CYB5B: variants seen among roughly 807,000 people sequenced by gnomAD.
The protein encoded by CYB5B is cytochrome b5 type B (outer mitochondrial membrane).
CYB5B carries 14 observed loss-of-function variants against 21.3 expected under a neutral mutation model. The ratio of observed to expected loss-of-function variants is 0.66; its 90% CI spans 0.43 to 1.03. The LOEUF (loss-of-function observed/expected upper bound fraction) is 1.03, where lower values mean the gene tolerates loss of function less well. CYB5B is among the 50% of genes least tolerant of loss of function. CYB5B has a pLI of 0.00. For missense variants in CYB5B, 166 were observed against 185.1 expected (o/e 0.90, Z 0.60); for synonymous variants, 69 against 68.4 (o/e 1.01, Z -0.04).
At position 69,460,070 on chromosome 16, in the gene CYB5B, G is replaced by A. The variant is rs569972824; in HGVS notation, c.362+949G>A. ...TCGAGACCAGCCTGGACAACATGGC[G>A]AAACCCCATCTCTGCTAAAAATACA... On this transcript the variant is annotated intron_variant, in intron 4 of 4. Coordinates refer to ENST00000307892, the MANE Select transcript of CYB5B (RefSeq NM_030579.3). Among the ~76,000 whole-genome samples the A allele has an allele frequency of 5.1e-4, 77 of 152,004 alleles. 1 individual carries two copies. The highest frequency in any genetic ancestry group is 7.5e-4 in the Non-Finnish European group (51 of 67,988).
At chr16:69,459,261 A>G in intron 4 of CYB5B, 140 bp downstream of exon 4, 1 of 1,109,178 alleles carries the variant, frequency 9.0e-7, no homozygotes, top group South Asian at 1.9e-5. Flanking sequence ...TTGCAAATTC[A>G]GTTGTTCCTT....
intron 3 of CYB5B, among the ~76,000 whole-genome samples, chr16:69,457,989 A>G (rs973813170): frequency 2.6e-5 from 4 of 152,160 alleles, no homozygotes; most frequent in Admixed American, 2.0e-4. Context: ...TACATTTTGC[A>G]AAGATGGTAT....
At chr16:69,462,159 A>G (rs920799451) in intron 4 of CYB5B, among the ~76,000 whole-genome samples, 7 of 152,250 alleles carry the variant, frequency 4.6e-5, no homozygotes, top group African/African-American at 7.2e-5. Context: ...AATAACCACT[A>G]TATGACTTTG....
chr16:69,455,712 C>T (rs906737700), intron 3 of CYB5B, among the ~76,000 whole-genome samples: 1 of 151,982 alleles, frequency 6.6e-6, no homozygotes, highest in African/African-American at 2.4e-5. Context: ...CGCGACTGGC[C>T]TTTTTGTCAT....
chr16:69,456,813 T>C (rs1434833937), intron 3 of CYB5B, among the ~76,000 whole-genome samples: 2 of 152,226 alleles, frequency 1.3e-5, no homozygotes, highest in South Asian at 2.1e-4. Flanking sequence ...AGGGAGGTTA[T>C]GTGTTAATAG....
intron 4 of CYB5B, among the ~76,000 whole-genome samples, chr16:69,460,900 A>T (rs545746986): frequency 1.3e-5 from 2 of 152,194 alleles, no homozygotes; most frequent in East Asian, 3.9e-4. Context: ...TTATTGTTGA[A>T]CCTGAATCTC....
At chr16:69,447,361 G>T (rs901609568) in intron 2 of CYB5B, 83 bp downstream of exon 2, 11 of 1,533,200 alleles carry the variant, frequency 7.2e-6, no homozygotes, top group Non-Finnish European at 8.8e-6. Context: ...TGAATTATTG[G>T]CTGGGCGTGG....
At chr16:69,429,561 T>G (rs2014684344) in intron 1 of CYB5B, among the ~76,000 whole-genome samples, 1 of 152,180 alleles carries the variant, frequency 6.6e-6, no homozygotes, top group Non-Finnish European at 1.5e-5. Flanking sequence ...TGGCTTTGCC[T>G]TCTTAAGAGG....
intron 1 of CYB5B, 54 bp downstream of exon 1, chr16:69,424,911 G>A (rs2142804612): frequency 6.8e-7 from 1 of 1,476,046 alleles, no homozygotes; most frequent in South Asian, 1.4e-5. Flanking sequence ...GGGGTGAAAA[G>A]GCTGTGTGGA....
intron 3 of CYB5B, among the ~76,000 whole-genome samples, chr16:69,454,125 G>C (rs1192549522): frequency 6.6e-6 from 1 of 152,146 alleles, no homozygotes; most frequent in Non-Finnish European, 1.5e-5. Flanking sequence ...AGTCCTGATA[G>C]AGATCATCCT....
At chr16:69,444,980 T>G (rs1176595087) in intron 1 of CYB5B, among the ~76,000 whole-genome samples, 1 of 152,242 alleles carries the variant, frequency 6.6e-6, no homozygotes, top group African/African-American at 2.4e-5. Flanking sequence ...TTATAAGTGG[T>G]GAGAGACTGA....
intron 3 of CYB5B, among the ~76,000 whole-genome samples, chr16:69,458,875 C>A (rs1274678978): frequency 1.3e-5 from 2 of 151,994 alleles, no homozygotes; most frequent in African/African-American, 4.8e-5. Context: ...TGATTCTTCA[C>A]TAGGAAGGAA....
chr16:69,448,788 T>C (rs1412613918), intron 3 of CYB5B: 1 of 152,322 alleles, frequency 6.6e-6, no homozygotes, highest in African/African-American at 2.4e-5. Context: ...ACAATTTTCC[T>C]TAATTTCTGT....
chr16:69,451,011 A>G (rs974451102), intron 3 of CYB5B, among the ~76,000 whole-genome samples: 3 of 152,208 alleles, frequency 2.0e-5, no homozygotes, highest in African/African-American at 7.2e-5. Context: ...AATGGTCACC[A>G]TTGTTTTATT....
chr16:69,450,115 G>A (rs1338349212), intron 3 of CYB5B: 1 of 151,652 alleles, frequency 6.6e-6, no homozygotes, highest in African/African-American at 2.4e-5. Flanking sequence ...AACTACTGGG[G>A]AGGCTGAGGC....
At chr16:69,453,202 A>G (rs931282117) in intron 3 of CYB5B, among the ~76,000 whole-genome samples, 1 of 152,142 alleles carries the variant, frequency 6.6e-6, no homozygotes, top group African/African-American at 2.4e-5. Flanking sequence ...TAAATTTTAC[A>G]TGTTAGAAGC....
At chr16:69,426,910 G>A (rs572922282) in intron 1 of CYB5B, among the ~76,000 whole-genome samples, 17 of 152,228 alleles carry the variant, frequency 1.1e-4, no homozygotes, top group African/African-American at 4.1e-4. Flanking sequence ...TTCATAGTAA[G>A]TTTCATGCTA....
At chr16:69,453,375 T>C (rs2014954432) in intron 3 of CYB5B, among the ~76,000 whole-genome samples, 1 of 152,332 alleles carries the variant, frequency 6.6e-6, no homozygotes, top group South Asian at 2.1e-4. Flanking sequence ...GAAATATAGT[T>C]AGTTGATTAC....
chr16:69,451,388 A>T (rs1438202640), intron 3 of CYB5B, among the ~76,000 whole-genome samples: 1 of 152,140 alleles, frequency 6.6e-6, no homozygotes, highest in African/African-American at 2.4e-5. Context: ...TGATGTATTT[A>T]CTTCTTGGTT....
Sources: gnomAD v4.1 joint callset for allele counts (sites outside exome capture counted in the v4.1 genomes callset) on GRCh38, gnomAD v4.1.1 for gene constraint, MANE v1.5 for transcripts, NCBI Gene and HGNC (gene_info 2026-07-23, HGNC 2026-07-21) for gene names.